Variants in MEF2C observed in about 807,000 individuals in gnomAD.
The protein encoded by MEF2C is myocyte-specific enhancer factor 2C.
In MEF2C, 6 loss-of-function variants were observed where a neutral mutation model predicts 50.5. That is an observed-to-expected ratio of 0.12 (90% confidence interval 0.07 to 0.23). The LOEUF (loss-of-function observed/expected upper bound fraction) is 0.23. Ranked by LOEUF, MEF2C falls within the 10% of genes least tolerant of loss-of-function variation. The probability of loss-of-function intolerance (pLI) is 1.00; values close to 1 mark genes in which losing one functional copy is unlikely to be tolerated. For synonymous variants in MEF2C, 183 were observed against 228.0 expected, an observed-to-expected ratio of 0.80 and a Z score of 1.78; for missense variants, 276 against 605.0, an observed-to-expected ratio of 0.46 and a Z score of 5.70.
At chr5:88,749,221 TA>T in intron 5 of MEF2C, 104 bp from the exon 6 acceptor site, 1 of 1,321,604 alleles carries the variant, frequency 7.6e-7, no homozygotes. Context: ...GCAATAGTCA[TA>T]AACTTGTAAA....
rs547752360 is a variant in MEF2C at position 88,719,526 on chromosome 5, T to C, written c.*3078A>G. The C allele has an allele frequency of 1.3e-5, 2 of 152,328 alleles. No individual in the cohort carries two copies. The highest frequency in any genetic ancestry group is 2.9e-5 in the Non-Finnish European group (2 of 68,008). 9.4% of individuals were successfully genotyped at this position (152,328 alleles called of 1,614,324 possible). Reference sequence around the variant, plus strand: ...CCACTTATGGATCTTTTACTTGCAATGAAGAATGTTGCCTAAAATGTTACT... The same window carrying C: ...CCACTTATGGATCTTTTACTTGCAACGAAGAATGTTGCCTAAAATGTTACT... On this transcript the variant is annotated 3_prime_UTR_variant, in exon 11 of 11. Coordinates refer to ENST00000504921, the MANE Select transcript of MEF2C (RefSeq NM_002397.5).
intron 6 of MEF2C, chr5:88,738,208 A>C: frequency 1.0e-6 from 1 of 985,394 alleles, no homozygotes; most frequent in Non-Finnish European, 1.2e-6. Context: ...GAGAAGCATG[A>C]AAGTAATCTG....
intron 1 of MEF2C, among the ~76,000 whole-genome samples, chr5:88,829,445 ATTTG>A (rs1406311114): frequency 8.6e-5 from 13 of 151,088 alleles, no homozygotes; most frequent in Admixed American, 4.6e-4. Flanking sequence ...CATCTGTTTT[ATTTG>A]TTTGTTTCAC....
chr5:88,779,053 T>C (rs959674734), intron 3 of MEF2C, among the ~76,000 whole-genome samples: 2 of 152,172 alleles, frequency 1.3e-5, no homozygotes, highest in East Asian at 3.8e-4. Context: ...TTTTGGAAAA[T>C]TGAAACTAAA....
intron 7 of MEF2C, 99 bp from the exon 8 acceptor site, chr5:88,730,333 A>G: frequency 7.6e-7 from 1 of 1,310,262 alleles, no homozygotes; most frequent in South Asian, 1.3e-5. Context: ...TCCGATAGAC[A>G]CAACAGTTTA....
intron 1 of MEF2C, among the ~76,000 whole-genome samples, chr5:88,863,456 T>C (rs745351202): frequency 4.6e-5 from 7 of 152,270 alleles, no homozygotes; most frequent in Non-Finnish European, 1.0e-4. Context: ...ATAGGTTTAT[T>C]TGTTTCTGAA....
intron 1 of MEF2C, chr5:88,844,717 T>C (rs1818683670): frequency 3.2e-6 from 1 of 310,838 alleles, no homozygotes; most frequent in Admixed American, 6.5e-5. Context: ...TTCCTCATGG[T>C]TAAAATTTTA....
At chr5:88,869,818 T>C (rs922165111) in intron 1 of MEF2C, among the ~76,000 whole-genome samples, 1 of 148,166 alleles carries the variant, frequency 6.7e-6, no homozygotes, top group African/African-American at 2.5e-5. Context: ...AAAACATGCA[T>C]GCTTACAAAA....
chr5:88,873,696 A>G (rs1277756706), intron 1 of MEF2C, among the ~76,000 whole-genome samples: 1 of 141,324 alleles, frequency 7.1e-6, no homozygotes, highest in African/African-American at 2.6e-5. Flanking sequence ...AAATCTATCA[A>G]TGTCGTCACG....
upstream of MEF2C, among the ~76,000 whole-genome samples, chr5:88,884,072 G>C (rs1347412114): frequency 1.1e-4 from 17 of 152,214 alleles, no homozygotes; most frequent in Non-Finnish European, 1.5e-5. Context: ...AACACGGCGA[G>C]CTGCGGCTCC....
chr5:88,781,863 C>T (rs1488479320), intron 3 of MEF2C, among the ~76,000 whole-genome samples: 2 of 152,152 alleles, frequency 1.3e-5, no homozygotes, highest in African/African-American at 4.8e-5. Flanking sequence ...GTCCCAGCTA[C>T]TCGGGAGACT....
In MEF2C at chr5:88,773,311, G is replaced by T. The variant is rs1225577635; in HGVS notation, c.259-11983C>A. 2.1e-5 allele frequency among the ~76,000 whole-genome samples: 3 copies of T among 141,044 alleles called. No homozygotes were observed. The East Asian group carries it at 5.8e-4, about 27-fold the overall frequency. 92.5% of individuals were successfully genotyped at this position (141,044 alleles called of 152,430 possible). A position where few individuals can be genotyped will look rare whatever the true frequency, so the allele number is the denominator to read the frequency against. ...AAAACACATAGAGGGCACTTATTAGGTTTGTATACATACTGTACATATACA... is the reference window on the plus strand; with the variant it reads ...AAAACACATAGAGGGCACTTATTAGTTTTGTATACATACTGTACATATACA... On this transcript the variant is annotated intron_variant, in intron 3 of 10. Transcript: ENST00000504921.
chr5:88,882,126 T>C (rs1363724241), intron 1 of MEF2C, among the ~76,000 whole-genome samples: 1 of 152,222 alleles, frequency 6.6e-6, no homozygotes, highest in Non-Finnish European at 1.5e-5. Flanking sequence ...TAAATTTAAA[T>C]ACTTCCACAA....
intron 5 of MEF2C, among the ~76,000 whole-genome samples, chr5:88,749,912 C>T (rs1188278912): frequency 2.0e-5 from 3 of 151,894 alleles, no homozygotes; most frequent in African/African-American, 7.3e-5. Context: ...TGCCTGTGGT[C>T]CCAGCTACTC....
intron 3 of MEF2C, among the ~76,000 whole-genome samples, chr5:88,765,239 A>G (rs1779554025): frequency 6.6e-6 from 1 of 152,260 alleles, no homozygotes. Context: ...TGAAGAGCAA[A>G]TTAATATTGA....
chr5:88,853,447 T>C (rs1418774948), intron 1 of MEF2C, among the ~76,000 whole-genome samples: 1 of 152,130 alleles, frequency 6.6e-6, no homozygotes. Context: ...ATTTAGTAAG[T>C]TGAAACAGTA....
intron 10 of MEF2C, among the ~76,000 whole-genome samples, chr5:88,725,083 T>A (rs1261823570): frequency 6.6e-6 from 1 of 152,098 alleles, no homozygotes; most frequent in Non-Finnish European, 1.5e-5. Context: ...ATAACCAAAA[T>A]TCTGTTTCTT....
At chr5:88,863,969 G>A (rs868222816) in intron 1 of MEF2C, among the ~76,000 whole-genome samples, 2 of 151,756 alleles carry the variant, frequency 1.3e-5, no homozygotes, top group Non-Finnish European at 2.9e-5. Context: ...TTACAGGGAT[G>A]TGCCACCACG....
At chr5:88,801,052 C>T (rs1798117930) in intron 3 of MEF2C, among the ~76,000 whole-genome samples, 1 of 152,074 alleles carries the variant, frequency 6.6e-6, no homozygotes, top group East Asian at 1.9e-4. Context: ...TTTTTCAACA[C>T]CCACGCACTG....
Sources: gnomAD v4.1 joint callset for allele counts (sites outside exome capture counted in the v4.1 genomes callset) on GRCh38, gnomAD v4.1.1 for gene constraint, MANE v1.5 for transcripts, NCBI Gene and HGNC (gene_info 2026-07-23, HGNC 2026-07-21) for gene names.